WDR33: variants seen among roughly 807,000 people sequenced by gnomAD.
WDR33 encodes the protein pre-mRNA 3' end processing protein WDR33.
A neutral mutation model predicts 164.9 loss-of-function variants in WDR33; 47 were observed. That is an observed-to-expected ratio of 0.29 (90% CI 0.23 to 0.36). The LOEUF (loss-of-function observed/expected upper bound fraction) is 0.36. Ranked by LOEUF, WDR33 falls within the 10% of genes least tolerant of loss-of-function variation. The probability of loss-of-function intolerance (pLI) is 1.00; values close to 1 mark genes in which losing one functional copy is unlikely to be tolerated. For missense variants in WDR33, 1,137 were observed against 1,754.1 expected (o/e 0.65, Z 6.28); for synonymous variants, 505 against 589.0 (o/e 0.86, Z 2.06).
chr2:127,752,227 GCTTAAGGTT>G (rs1687388581), intron 7 of WDR33, among the ~76,000 whole-genome samples: 1 of 152,184 alleles, frequency 6.6e-6, no homozygotes, highest in African/African-American at 2.4e-5. Flanking sequence ...TAATTCTTGT[GCTTAAGGTT>G]GGTCAGCAGG....
At chr2:127,804,801 TAATCATC>T (rs1689373490) in intron 1 of WDR33, among the ~76,000 whole-genome samples, 1 of 152,196 alleles carries the variant, frequency 6.6e-6, no homozygotes, top group African/African-American at 2.4e-5. Context: ...ACTCAGCTAA[TAATCATC>T]AATCATTAAG....
chr2:127,706,032 G>T lies in WDR33; in HGVS notation c.*291C>A, dbSNP rs1311113709. ...ATGGACAGGAACTTAAATTTGTGGAGATGCCCCATGTCTTGTGAGACTTAA... is the reference window on the plus strand; with the variant it reads ...ATGGACAGGAACTTAAATTTGTGGATATGCCCCATGTCTTGTGAGACTTAA... On this transcript the variant is annotated 3_prime_UTR_variant, in exon 22 of 22. Coordinates refer to ENST00000322313, the MANE Select transcript of WDR33 (RefSeq NM_018383.5). This position sits in a 1 kb window ranked among gnomAD's most constrained non-coding sequence, Gnocchi z 5.1. 1 of 352,186 alleles carries T rather than the reference G, an allele frequency of 2.8e-6. No individual in the cohort carries two copies. Among genetic ancestry groups the T allele is most frequent in the African/African-American group, 2.1e-5 (1 of 47,758 alleles). The allele number at this position is 352,186 out of a possible 1,614,324, so 21.8% of individuals were successfully genotyped here. A position where few individuals can be genotyped will look rare whatever the true frequency, so the allele number is the denominator to read the frequency against.
In WDR33 at chr2:127,709,550, C is replaced by T. The variant is rs756327368; in HGVS notation, c.3505G>A (p.Glu1169Lys). The T allele has an allele frequency of 1.9e-6, 3 of 1,614,092 alleles. No individual in the cohort carries two copies. The highest frequency in any genetic ancestry group is 2.5e-6 in the Non-Finnish European group (3 of 1,179,934). Residue 1169 changes from glutamate (E) to lysine (K), a missense_variant, in exon 20 of 22, where the codon GAG becomes AAG. Glu to Lys is a moderately conservative substitution (Grantham distance 56, BLOSUM62 1). Transcript: ENST00000322313. The surrounding 1 kb of genome is among the most constrained non-coding windows in gnomAD (Gnocchi z 5.0). ...GRKGLLPTPD[E>K]FPRFEGGRKP... ...CGCCCTCCTTCAAAGCGAGGGAACT[C>T]GTCAGGAGTGGGAAGTAAACCCTTC...
At chr2:127,746,729 C>G (rs1198113530) in intron 7 of WDR33, among the ~76,000 whole-genome samples, 2 of 152,228 alleles carry the variant, frequency 1.3e-5, no homozygotes, top group Non-Finnish European at 2.9e-5. Flanking sequence ...ACCACTGTAA[C>G]TAGAATTTTG....
chr2:127,772,858 C>G (rs1345788106), intron 1 of WDR33, among the ~76,000 whole-genome samples: 1 of 151,390 alleles, frequency 6.6e-6, no homozygotes, highest in Non-Finnish European at 1.5e-5. Context: ...CATGGTGGCT[C>G]ACATCTGTTA....
chr2:127,804,735 A>G (rs567229251), intron 1 of WDR33, among the ~76,000 whole-genome samples: 1 of 152,362 alleles, frequency 6.6e-6, no homozygotes, highest in Admixed American at 6.5e-5. Context: ...TCTTTATTAC[A>G]GAAAACAGTT....
intron 1 of WDR33, among the ~76,000 whole-genome samples, chr2:127,793,758 CAAA>C (rs1688924169): frequency 6.6e-6 from 1 of 151,538 alleles, no homozygotes; most frequent in Non-Finnish European, 1.5e-5. Context: ...TGAAAACAAA[CAAA>C]AAGACTCAAT....
Position 127,722,850 on chromosome 2 carries a change from A to C in WDR33, c.1378+108T>G. The C allele has an allele frequency of 7.2e-7, 1 of 1,396,638 alleles. No individual in the cohort carries two copies. Among genetic ancestry groups the C allele is most frequent in the South Asian group, 1.4e-5 (1 of 70,752 alleles). The allele number at this position is 1,396,638 out of a possible 1,614,324, so 86.5% of individuals were successfully genotyped here. On this transcript the variant is annotated intron_variant, in intron 13 of 21. Transcript: ENST00000322313. The surrounding 1 kb of genome is among the most constrained non-coding windows in gnomAD (Gnocchi z 5.1). The stretch of plus-strand genomic sequence containing the variant: ...TATGTCATTTATATAATTTTTATCA[A>C]CATTTCTCAACATAAATCATTTTGG...
rs1205931357 is a variant in WDR33, at chr2:127,703,743, G to GTT, written c.*2578_*2579dup. ...TCTAGTCCCCTAAATTTCTGTTCTA[G>GTT]TTTTAAATTTCTCTAGAACTTGCAA... On this transcript the variant is annotated 3_prime_UTR_variant, in exon 22 of 22. Transcript: ENST00000322313. The GTT allele has an allele frequency of 1.8e-5, 3 of 167,028 alleles. No homozygotes were observed. The highest frequency in any genetic ancestry group is 4.4e-5 in the Non-Finnish European group (3 of 68,128). 10.3% of individuals were successfully genotyped at this position (167,028 alleles called of 1,614,324 possible). A position where few individuals can be genotyped will look rare whatever the true frequency, so the allele number is the denominator to read the frequency against.
rs1159875640 is a variant in WDR33 at position 127,720,171 on chromosome 2, C to T, written c.1854G>A (p.Gly618=). The T allele has an allele frequency of 1.2e-6, 2 of 1,613,598 alleles. No individual in the cohort carries two copies. Residue 618 remains glycine (G), a synonymous_variant, in exon 16 of 22, where the codon GGG becomes GGA. Coordinates refer to ENST00000322313, the MANE Select transcript of WDR33 (RefSeq NM_018383.5). This position sits in a 1 kb window ranked among gnomAD's most constrained non-coding sequence, Gnocchi z 5.9. The stretch of plus-strand genomic sequence containing the variant: ...TAAACTGTCCCTGTGGACCTGGAGG[C>T]CCCATTTGAGCCATGTTCATTGGCA... ...QQMPMNMAQM[G]PPGPQGQFRP... is the part of the protein sequence containing the mutation.
Position 127,706,695 on chromosome 2 carries a change from AGAGGT to A in WDR33, c.3782-148_3782-144del. 1.3e-6 allele frequency: 1 copy of A among 741,820 alleles called. No individual in the cohort carries two copies. Among genetic ancestry groups the A allele is most frequent in the Non-Finnish European group, 2.1e-6 (1 of 472,916 alleles). The allele number at this position is 741,820 out of a possible 1,614,324, so 46.0% of individuals were successfully genotyped here. On this transcript the variant is annotated intron_variant, in intron 21 of 21. Coordinates refer to ENST00000322313, the MANE Select transcript of WDR33 (RefSeq NM_018383.5). This position sits in a 1 kb window ranked among gnomAD's most constrained non-coding sequence, Gnocchi z 5.1. ...ACTGGCAGTGGTATTCAGCGTACTGAGAGGTGTGCCTCTACCCTTTCCTGACCCTG... is the reference window on the plus strand; with the variant it reads ...ACTGGCAGTGGTATTCAGCGTACTGAGTGCCTCTACCCTTTCCTGACCCTG...
rs544615648 is a variant in WDR33 at position 127,780,254 on chromosome 2, G to T, written c.-23-9250C>A. On this transcript the variant is annotated intron_variant, in intron 1 of 21. Transcript: ENST00000322313. ...TCCCAAAGTGTAAAAATAATAAAAAGTTTTAAGATTCCCACCTCCATTAAC... is the reference window on the plus strand; with the variant it reads ...TCCCAAAGTGTAAAAATAATAAAAATTTTTAAGATTCCCACCTCCATTAAC... Among the ~76,000 whole-genome samples, 299 of 152,174 alleles carry T rather than the reference G, an allele frequency of 2.0e-3. 1 individual carries two copies. The highest frequency in any genetic ancestry group is 7.0e-3 in the African/African-American group (292 of 41,532).
rs1422419922 is a variant in WDR33, at chr2:127,705,352, T to C, written c.*971A>G. On this transcript the variant is annotated 3_prime_UTR_variant, in exon 22 of 22. Transcript: ENST00000322313. This position sits in a 1 kb window ranked among gnomAD's most constrained non-coding sequence, Gnocchi z 4.5. ...CATGGACAAGATCTATCTGGCTTAC[T>C]GTGAGTTAGAAGTACGCCCTGCCGT... 2 of 158,764 alleles carry C rather than the reference T, an allele frequency of 1.3e-5. No individual in the cohort carries two copies. The highest frequency in any genetic ancestry group is 4.8e-5 in the African/African-American group (2 of 41,474). 9.8% of individuals were successfully genotyped at this position (158,764 alleles called of 1,614,324 possible). A position where few individuals can be genotyped will look rare whatever the true frequency, so the allele number is the denominator to read the frequency against.
chr2:127,754,518 G>A (rs919373477), intron 7 of WDR33, among the ~76,000 whole-genome samples: 3 of 151,786 alleles, frequency 2.0e-5, no homozygotes, highest in South Asian at 2.1e-4. Flanking sequence ...TCCTAGACTC[G>A]AGCAATCCTC....
intron 1 of WDR33, among the ~76,000 whole-genome samples, chr2:127,806,239 G>A (rs1412030949): frequency 1.6e-5 from 2 of 127,122 alleles, no homozygotes; most frequent in Non-Finnish European, 3.1e-5. Context: ...AGACAGTCTC[G>A]CTCTGTTGCC....
Position 127,711,772 on chromosome 2 carries a change from A to ATTTTTTTTTTTTTT in WDR33, c.3308+1810_3308+1811insAAAAAAAAAAAAAA, listed in dbSNP as rs1419760091. On this transcript the variant is annotated intron_variant, in intron 18 of 21. Coordinates refer to ENST00000322313, the MANE Select transcript of WDR33 (RefSeq NM_018383.5). ...TACAGATATATATATATATATATAT[A>ATTTTTTTTTTTTTT]TATATATATTTTTTTTTTGAGACAG... Among the ~76,000 whole-genome samples, 103 of 87,690 alleles carry ATTTTTTTTTTTTTT rather than the reference A, an allele frequency of 1.2e-3. 9 individuals carry two copies. The highest frequency in any genetic ancestry group is 1.8e-3 in the Non-Finnish European group (85 of 47,904). 57.5% of individuals were successfully genotyped at this position (87,690 alleles called of 152,430 possible).
At chr2:127,745,839 A>G (rs186725497) in intron 7 of WDR33, among the ~76,000 whole-genome samples, 119 of 152,198 alleles carry the variant, frequency 7.8e-4, no homozygotes, top group African/African-American at 2.7e-3. Flanking sequence ...CGTTCTCCAG[A>G]AAGATTCAAA....
At chr2:127,809,410 T>C (rs1212262144) in intron 1 of WDR33, among the ~76,000 whole-genome samples, 1 of 150,320 alleles carries the variant, frequency 6.7e-6, no homozygotes. Flanking sequence ...ACCATTGTAA[T>C]ATATGTAAGC....
At chr2:127,729,821 C>A (rs759311844) in intron 7 of WDR33, among the ~76,000 whole-genome samples, 11 of 152,132 alleles carry the variant, frequency 7.2e-5, no homozygotes, top group Non-Finnish European at 1.6e-4. Context: ...GCCTTTACAT[C>A]ATTTTACTTT....
Sources: gnomAD v4.1 joint callset for allele counts (sites outside exome capture counted in the v4.1 genomes callset) on GRCh38, gnomAD v4.1.1 for gene constraint, Gnocchi (gnomAD v3.1) non-coding constraint, MANE v1.5 for transcripts, NCBI Gene and HGNC (gene_info 2026-07-23, HGNC 2026-07-21) for gene names.